RAD18: variants seen among roughly 807,000 people sequenced by gnomAD.
RAD18 encodes the protein E3 ubiquitin-protein ligase RAD18.
Under a neutral mutation model 60.4 loss-of-function variants are expected in RAD18, and 47 were observed. That is an observed-to-expected ratio of 0.78 (90% CI 0.62 to 0.99). The LOEUF (loss-of-function observed/expected upper bound fraction) is 0.99, where lower values mean the gene tolerates loss of function less well. Among genes scored for constraint, RAD18 ranks in the 50% least tolerant of loss-of-function variants. RAD18 has a pLI of 0.00. For missense variants in RAD18, 640 were observed against 593.3 expected (o/e 1.08, Z -0.82); for synonymous variants, 225 against 195.5 (o/e 1.15, Z -1.26).
chr3:8,915,363 A>C (rs1480119997), intron 7 of RAD18, among the ~76,000 whole-genome samples: 1 of 152,118 alleles, frequency 6.6e-6, no homozygotes, highest in Non-Finnish European at 1.5e-5. Context: ...CTAGCCTGAA[A>C]CCTAAACAAA....
At chr3:8,946,027 A>G (rs534287551) in intron 4 of RAD18, among the ~76,000 whole-genome samples, 46 of 148,686 alleles carry the variant, frequency 3.1e-4, no homozygotes, top group Non-Finnish European at 5.9e-4. Context: ...CTAAGTGTAC[A>G]GTGTTTATAA....
At chr3:8,895,909 T>C (rs1162528882) in intron 11 of RAD18, among the ~76,000 whole-genome samples, 2 of 152,226 alleles carry the variant, frequency 1.3e-5, no homozygotes, top group African/African-American at 4.8e-5. Context: ...GACTTTCCCA[T>C]TATCCAGGAA....
intron 2 of RAD18, among the ~76,000 whole-genome samples, chr3:8,955,894 G>A (rs905446834): frequency 2.0e-5 from 3 of 152,236 alleles, no homozygotes; most frequent in Middle Eastern, 3.4e-3. Context: ...TCCATAAAGC[G>A]CAGTGGATGC....
chr3:8,921,582 G>C (rs929921912), intron 7 of RAD18, among the ~76,000 whole-genome samples: 2 of 152,048 alleles, frequency 1.3e-5, no homozygotes, highest in African/African-American at 4.8e-5. Flanking sequence ...CGAGGCTGCG[G>C]TGAACTATCA....
chr3:8,939,791 G>C (rs540012885), intron 5 of RAD18, 138 bp from the exon 6 acceptor site: 47 of 680,290 alleles, frequency 6.9e-5, no homozygotes, highest in African/African-American at 6.8e-4. Flanking sequence ...AAAAGAAAAA[G>C]AATGGCCCAT....
intron 8 of RAD18, among the ~76,000 whole-genome samples, 174 bp downstream of exon 8, chr3:8,913,470 A>G (rs530291526): frequency 2.0e-5 from 3 of 152,338 alleles, no homozygotes; most frequent in South Asian, 4.1e-4. Context: ...TTGTGCTAGA[A>G]GACTGCTAAG....
At chr3:8,928,488 A>C (rs659731) in intron 7 of RAD18, among the ~76,000 whole-genome samples, 104,470 of 151,390 alleles carry the variant, frequency 0.69, 36,563 homozygotes, top group Middle Eastern at 0.77. Flanking sequence ...GAAATAAAGT[A>C]GCTGCTATAC....
intron 1 of RAD18, among the ~76,000 whole-genome samples, chr3:8,961,306 CTTTAG>C (rs1356614837): frequency 1.3e-5 from 2 of 152,116 alleles, no homozygotes; most frequent in African/African-American, 4.8e-5. Flanking sequence ...CCCAAAATTT[CTTTAG>C]TTTAGAGAGA....
At chr3:8,891,337 A>T (rs1334132864) in intron 11 of RAD18, among the ~76,000 whole-genome samples, 3 of 151,746 alleles carry the variant, frequency 2.0e-5, no homozygotes, top group Non-Finnish European at 4.4e-5. Context: ...TTTTTTTTTT[A>T]AACAGGAAGG....
chr3:8,958,260 A>T (rs1403711347), intron 2 of RAD18, among the ~76,000 whole-genome samples: 1 of 152,248 alleles, frequency 6.6e-6, no homozygotes, highest in Non-Finnish European at 1.5e-5. Context: ...ACTTTCCAAG[A>T]TAAATCAACT....
chr3:8,912,010 C>T (rs1158483779), intron 9 of RAD18, among the ~76,000 whole-genome samples: 1 of 152,088 alleles, frequency 6.6e-6, no homozygotes, highest in East Asian at 1.9e-4. Flanking sequence ...GATAGAGTCC[C>T]GAATGTTTCC....
At chr3:8,944,067 G>T (rs1294105902) in intron 4 of RAD18, among the ~76,000 whole-genome samples, 3 of 151,942 alleles carry the variant, frequency 2.0e-5, no homozygotes, top group Non-Finnish European at 4.4e-5. Context: ...GACTGAACAA[G>T]AAATAAATGA....
At chr3:8,915,007 G>A (rs1049631971) in intron 7 of RAD18, among the ~76,000 whole-genome samples, 6 of 151,850 alleles carry the variant, frequency 4.0e-5, no homozygotes, top group African/African-American at 1.5e-4. Context: ...AAATTAGCCG[G>A]GTGTGGTGGG....
chr3:8,921,328 ATC>A (rs970109020), intron 7 of RAD18, among the ~76,000 whole-genome samples: 4 of 152,220 alleles, frequency 2.6e-5, no homozygotes, highest in Admixed American at 2.6e-4. Context: ...AGCTGAGAGA[ATC>A]TGTCTCAACA....
intron 7 of RAD18, among the ~76,000 whole-genome samples, chr3:8,915,066 G>A (rs574435355): frequency 1.4e-3 from 212 of 147,754 alleles, no homozygotes; most frequent in Non-Finnish European, 2.3e-3. Context: ...GGAGAATGGC[G>A]TGAACCCGGG....
chr3:8,884,421 C>T (rs925383403), intron 12 of RAD18, among the ~76,000 whole-genome samples: 6 of 151,678 alleles, frequency 4.0e-5, no homozygotes, highest in Non-Finnish European at 5.9e-5. Flanking sequence ...ACTTTTTTTT[C>T]ATGTTTTAGT....
intron 6 of RAD18, among the ~76,000 whole-genome samples, chr3:8,936,959 C>A (rs1253847233): frequency 5.3e-5 from 8 of 152,250 alleles, no homozygotes; most frequent in South Asian, 4.1e-4. Flanking sequence ...TGAAAACAAT[C>A]AAAAATTTCT....
intron 6 of RAD18, among the ~76,000 whole-genome samples, chr3:8,937,635 C>A (rs751447561): frequency 6.6e-6 from 1 of 152,148 alleles, no homozygotes; most frequent in Non-Finnish European, 1.5e-5. Context: ...TAAAGAAGAA[C>A]ATGGCCCAGT....
rs45557131 is a variant in RAD18, at chr3:8,946,990, T to C, written c.266+230A>G. 5.2e-5 allele frequency: 21 copies of C among 403,098 alleles called. No homozygotes were observed. In the East Asian group the frequency reaches 7.1e-4, roughly 14 times the overall value. The allele number at this position is 403,098 out of a possible 1,614,324, so 25.0% of individuals were successfully genotyped here. ...ACCCAAAAGTAAGGAAGTCCTCAAA[T>C]CTGCGTTTTAACTCTTAATTATTCT... On this transcript the variant is annotated intron_variant, in intron 4 of 12. Transcript: ENST00000264926.
Sources: gnomAD v4.1 joint callset for allele counts (sites outside exome capture counted in the v4.1 genomes callset) on GRCh38, gnomAD v4.1.1 for gene constraint, MANE v1.5 for transcripts, NCBI Gene and HGNC (gene_info 2026-07-23, HGNC 2026-07-21) for gene names.